CALN1: variants seen among roughly 807,000 people sequenced by gnomAD.
The protein encoded by CALN1 is calneuron 1.
Under a neutral mutation model 30.6 loss-of-function variants are expected in CALN1, and 17 were observed. That is an observed-to-expected ratio of 0.56 (90% CI 0.38 to 0.83). CALN1 has a LOEUF of 0.83. CALN1 is among the 40% of genes least tolerant of loss of function. CALN1 has a pLI of 0.00. For synonymous variants in CALN1, 156 were observed against 131.4 expected (o/e 1.19, Z -1.28); for missense variants, 291 against 354.9 (o/e 0.82, Z 1.45).
At position 72,238,469 on chromosome 7, in the gene CALN1, C is replaced by G. The variant is rs118185603; in HGVS notation, c.244+40217G>C. Among the ~76,000 whole-genome samples the G allele has an allele frequency of 2.5e-3, 386 of 152,208 alleles. 7 individuals are homozygous for G. Among genetic ancestry groups the G allele is most frequent in the East Asian group, 0.022 (113 of 5,184 alleles). On this transcript the variant is annotated intron_variant, in intron 3 of 6. Coordinates refer to ENST00000395275, the MANE Select transcript of CALN1 (RefSeq NM_031468.4). ...TTAATGAATTTATTCCCTAGCAACA[C>G]TTTATTCCCTAGAAATTCATGGAAT... is the stretch of plus-strand genomic sequence containing the variant.
intron 3 of CALN1, among the ~76,000 whole-genome samples, chr7:72,143,456 CA>C (rs1434501488): frequency 6.6e-6 from 1 of 151,994 alleles, no homozygotes; most frequent in African/African-American, 2.4e-5. Flanking sequence ...ACAAAGCCTC[CA>C]AAAAATATGG....
intron 3 of CALN1, among the ~76,000 whole-genome samples, chr7:72,171,891 G>C (rs1343912439): frequency 6.6e-6 from 1 of 152,134 alleles, no homozygotes; most frequent in Non-Finnish European, 1.5e-5. Context: ...AACCTTTCAA[G>C]TAATGTGTCG....
At chr7:72,471,795 G>A in the CALN1 span, among the ~76,000 whole-genome samples, 6 of 152,038 alleles carry the variant, frequency 3.9e-5, no homozygotes, top group Non-Finnish European at 8.8e-5. Context: ...TCACAATGGG[G>A]TCCTTTTTTG....
intron 2 of CALN1, among the ~76,000 whole-genome samples, chr7:72,310,061 A>G (rs1406256237): frequency 6.6e-6 from 1 of 152,042 alleles, no homozygotes. Flanking sequence ...ACTCATGGCT[A>G]CTAGCTGACT....
intron 5 of CALN1, among the ~76,000 whole-genome samples, chr7:71,889,096 A>AT (rs1793086798): frequency 6.6e-6 from 1 of 152,198 alleles, no homozygotes; most frequent in South Asian, 2.1e-4. Context: ...CCCAGGTGCG[A>AT]TGTGAGATCA....
intron 2 of CALN1, among the ~76,000 whole-genome samples, chr7:72,302,355 A>C (rs931058452): frequency 1.3e-5 from 2 of 152,244 alleles, no homozygotes; most frequent in African/African-American, 4.8e-5. Flanking sequence ...CAACGTTTTA[A>C]TGAATGGCGA....
At position 71,990,950 on chromosome 7, in the gene CALN1, G is replaced by A. The variant is rs1798916692; in HGVS notation, c.501+32707C>T. On this transcript the variant is annotated intron_variant, in intron 5 of 6. Coordinates refer to ENST00000395275, the MANE Select transcript of CALN1 (RefSeq NM_031468.4). ...CCAGAAATCAAGGAGTACTAACGCAGAGGACCAACATTAGAATCTCTCTAA... is the reference window on the plus strand; with the variant it reads ...CCAGAAATCAAGGAGTACTAACGCAAAGGACCAACATTAGAATCTCTCTAA... Among the ~76,000 whole-genome samples, 3 of 151,496 alleles carry A rather than the reference G, an allele frequency of 2.0e-5. No individual in the cohort carries two copies. The South Asian group carries it at 6.3e-4, about 32-fold the overall frequency.
At chr7:72,353,374 A>C (rs1803046022) in intron 2 of CALN1, among the ~76,000 whole-genome samples, 1 of 152,202 alleles carries the variant, frequency 6.6e-6, no homozygotes, top group African/African-American at 2.4e-5. Flanking sequence ...AGGATAAGAC[A>C]TCTTGACAAG....
chr7:72,478,819 C>T, the CALN1 span, among the ~76,000 whole-genome samples: 2 of 151,550 alleles, frequency 1.3e-5, no homozygotes, highest in East Asian at 3.9e-4. Flanking sequence ...TTTTAATTTG[C>T]GTGTCCCTAA....
At chr7:72,408,151 G>A (rs1235743098) in intron 1 of CALN1, among the ~76,000 whole-genome samples, 4 of 151,808 alleles carry the variant, frequency 2.6e-5, no homozygotes, top group Non-Finnish European at 4.4e-5. Flanking sequence ...ACAAACCGTA[G>A]GCCTGGCATG....
chr7:72,063,291 T>G (rs1043031521), intron 4 of CALN1, among the ~76,000 whole-genome samples: 1 of 152,194 alleles, frequency 6.6e-6, no homozygotes, highest in Non-Finnish European at 1.5e-5. Flanking sequence ...GCCATAACTC[T>G]CAGATTGCAT....
chr7:72,380,698 CATTAG>C lies in CALN1; in HGVS notation c.119+22548_119+22552del, dbSNP rs796869881. Among the ~76,000 whole-genome samples the C allele has an allele frequency of 3.2e-4, 47 of 145,996 alleles. 1 individual carries two copies. Among genetic ancestry groups the C allele is most frequent in the African/African-American group, 6.8e-4 (27 of 39,496 alleles). ...GGATGGATGGATGGATGGATACATACATTAGATTAGATAGATAGATAGATACATAG... is the reference window on the plus strand; with the variant it reads ...GGATGGATGGATGGATGGATACATACATTAGATAGATAGATAGATACATAG... On this transcript the variant is annotated intron_variant, in intron 2 of 6. Coordinates refer to ENST00000395275, the MANE Select transcript of CALN1 (RefSeq NM_031468.4).
chr7:72,474,697 A>G, the CALN1 span, among the ~76,000 whole-genome samples: 1 of 152,038 alleles, frequency 6.6e-6, no homozygotes, highest in African/African-American at 2.4e-5. Flanking sequence ...AAAAAAAAAA[A>G]AATCCAGCAG....
chr7:72,024,659 A>G (rs1800934984), intron 4 of CALN1, among the ~76,000 whole-genome samples: 3 of 152,242 alleles, frequency 2.0e-5, no homozygotes, highest in Middle Eastern at 3.4e-3. Context: ...TTGGCCTCTC[A>G]AAGTGCTGGG....
At chr7:72,099,383 A>C (rs1806482158) in intron 4 of CALN1, among the ~76,000 whole-genome samples, 1 of 151,896 alleles carries the variant, frequency 6.6e-6, no homozygotes, top group Non-Finnish European at 1.5e-5. Flanking sequence ...ACCAAAGAGA[A>C]ACTTAATTAG....
intron 3 of CALN1, among the ~76,000 whole-genome samples, chr7:72,184,331 C>T (rs1021380936): frequency 2.0e-5 from 3 of 152,206 alleles, no homozygotes; most frequent in African/African-American, 7.2e-5. Context: ...GTAATGCCTC[C>T]ATGCCTCAGT....
At chr7:72,056,880 A>T (rs564274455) in intron 4 of CALN1, among the ~76,000 whole-genome samples, 1 of 152,336 alleles carries the variant, frequency 6.6e-6, no homozygotes, top group East Asian at 1.9e-4. Flanking sequence ...AATTAAAGCA[A>T]TAGTGAGCTA....
the CALN1 span, among the ~76,000 whole-genome samples, chr7:72,478,340 A>C: frequency 6.8e-6 from 1 of 147,480 alleles, no homozygotes; most frequent in Non-Finnish European, 1.5e-5. Context: ...ATATTTATAT[A>C]ATATATAAAT....
At chr7:71,846,873 TAA>T (rs936766694) in intron 5 of CALN1, among the ~76,000 whole-genome samples, 5 of 146,676 alleles carry the variant, frequency 3.4e-5, no homozygotes, top group Admixed American at 2.1e-4. Context: ...TATGTATATA[TAA>T]TATATACACA....
Sources: allele counts gnomAD v4.1 joint callset (sites outside exome capture counted in the v4.1 genomes callset), GRCh38; gene constraint gnomAD v4.1.1; transcripts MANE v1.5; gene names NCBI Gene and HGNC (gene_info 2026-07-23, HGNC 2026-07-21).